Variants in TCF20 observed in about 807,000 individuals in gnomAD.
The protein encoded by TCF20 is SPRE-binding protein.
TCF20 carries 3 observed loss-of-function variants against 148.6 expected under a neutral mutation model. The observed-to-expected ratio is 0.02, with a 90% CI of 0.01 to 0.05. The LOEUF is 0.05. Among genes scored for constraint, TCF20 ranks in the 10% least tolerant of loss-of-function variants. The pLI is 1.00. For synonymous variants in TCF20, 1,049 were observed against 909.5 expected (o/e 1.15, Z -2.76); for missense variants, 2,350 against 2,429.3 (o/e 0.97, Z 0.69).
chr22:42,286,422 AC>A (rs1268428859), upstream of TCF20, among the ~76,000 whole-genome samples: 2 of 152,208 alleles, frequency 1.3e-5, no homozygotes, highest in African/African-American at 2.4e-5. Context: ...TGACTGTGTG[AC>A]CTTGAGTAAG....
chr22:42,199,027 G>A (rs998940531), intron 2 of TCF20, among the ~76,000 whole-genome samples: 2 of 152,094 alleles, frequency 1.3e-5, no homozygotes, highest in Middle Eastern at 3.2e-3. Flanking sequence ...ATGAATATGG[G>A]AAGCTAACTG....
At chr22:42,245,287 C>T (rs551623018) in intron 1 of TCF20, among the ~76,000 whole-genome samples, 25 of 152,012 alleles carry the variant, frequency 1.6e-4, no homozygotes, top group African/African-American at 6.0e-4. Flanking sequence ...TCTCACTATG[C>T]TGCCCAGGCT....
intron 2 of TCF20, among the ~76,000 whole-genome samples, chr22:42,200,963 A>C (rs1222269243): frequency 6.6e-6 from 1 of 152,240 alleles, no homozygotes; most frequent in African/African-American, 2.4e-5. Context: ...TGACTTCACC[A>C]AATCTCAGGT....
At chr22:42,173,330 AAC>A (rs1936247360) in intron 3 of TCF20, among the ~76,000 whole-genome samples, 1 of 151,972 alleles carries the variant, frequency 6.6e-6, no homozygotes, top group Non-Finnish European at 1.5e-5. Flanking sequence ...CATAACAAGC[AAC>A]ACAAAACAGC....
chr22:42,323,095 G>A (rs896829912), intron 1 of TCF20, among the ~76,000 whole-genome samples: 6 of 151,588 alleles, frequency 4.0e-5, no homozygotes, highest in Non-Finnish European at 7.4e-5. Context: ...TAGTAGAAAC[G>A]GGGTTTCTCC....
At position 42,279,907 on chromosome 22, in the gene TCF20, T is replaced by C. The variant is rs1382855632; in HGVS notation, c.-37+3920A>G. ...GCCCCGTAGACACCACCCCAGGTGC[T>C]CCTCACAGGTGATGGGGTGTGTTGT... On this transcript the variant is annotated intron_variant, in intron 1 of 5. Coordinates refer to the TCF20 transcript ENST00000359486. This position sits in a 1 kb window ranked among gnomAD's most constrained non-coding sequence, Gnocchi z 4.3. 3.3e-5 allele frequency among the ~76,000 whole-genome samples: 5 copies of C among 152,222 alleles called. No homozygotes were observed. Among genetic ancestry groups the C allele is most frequent in the African/African-American group, 1.2e-4 (5 of 41,548 alleles).
Position 42,168,744 on chromosome 22 carries a change from G to C in TCF20, c.5800-8C>G. On this transcript the variant is annotated splice_polypyrimidine_tract_variant and splice_region_variant and intron_variant, in intron 4 of 5. Coordinates refer to ENST00000677622, the MANE Select transcript of TCF20 (RefSeq NM_001378418.1). ...AGGGCACGGAAGGGGAGGCTGACAC[G>C]GGCAAAACCAAGAGGAGACAGACAG... is the stretch of plus-strand genomic sequence containing the variant. 3 of 1,605,242 alleles carry C rather than the reference G, an allele frequency of 1.9e-6. No homozygotes were observed. Among genetic ancestry groups the C allele is most frequent in the Non-Finnish European group, 2.6e-6 (3 of 1,176,092 alleles).
chr22:42,180,325 C>G (rs1487630519), intron 2 of TCF20, among the ~76,000 whole-genome samples: 1 of 152,130 alleles, frequency 6.6e-6, no homozygotes, highest in Non-Finnish European at 1.5e-5. Context: ...ACCAGAAAAC[C>G]TGCCATGAAT....
chr22:42,237,297 C>T (rs1405774760), intron 1 of TCF20, among the ~76,000 whole-genome samples: 1 of 152,180 alleles, frequency 6.6e-6, no homozygotes, highest in East Asian at 1.9e-4. Flanking sequence ...CTCAATAAAT[C>T]ACTTTCTTTG....
At chr22:42,249,263 C>T (rs762657468) in intron 1 of TCF20, among the ~76,000 whole-genome samples, 23 of 152,362 alleles carry the variant, frequency 1.5e-4, no homozygotes, top group Middle Eastern at 3.4e-3. Context: ...ATGCTACTGG[C>T]ATCCCAGGGT....
rs774763275 is a variant in TCF20, at chr22:42,212,388, T to A, written c.2918A>T (p.Asp973Val). The A allele has an allele frequency of 5.0e-6, 8 of 1,614,124 alleles. No individual in the cohort carries two copies. The highest frequency in any genetic ancestry group is 6.8e-6 in the Non-Finnish European group (8 of 1,180,054). Residue 973 changes from aspartate to valine, a missense_variant, in exon 2 of 6, where the codon GAT (aspartate) becomes GTT (valine). Around this residue, in one of 7 missense-constraint regions of TCF20, gnomAD observed 1,641 missense variants for 1,662.6 expected, o/e 0.99. Transcript: ENST00000677622. ...GNASPGAATH[D>V]SLSDYGPQDS... ...TTGCGGGCCATAGTCTGAAAGGGAA[T>A]CATGGGTTGCTGCTCCAGGGCTGGC... is the stretch of plus-strand genomic sequence containing the variant.
At chr22:42,323,188 C>T (rs1163830628) in intron 1 of TCF20, among the ~76,000 whole-genome samples, 1 of 151,690 alleles carries the variant, frequency 6.6e-6, no homozygotes, top group Non-Finnish European at 1.5e-5. Context: ...AGGCGTGAGC[C>T]ACCACGCCCA....
At chr22:42,318,909 T>C (rs1372698073) in intron 1 of TCF20, among the ~76,000 whole-genome samples, 1 of 152,076 alleles carries the variant, frequency 6.6e-6, no homozygotes. Context: ...GGCCATGAAA[T>C]CAGCCAGCAG....
At chr22:42,316,107 CAA>C (rs758537263) in intron 1 of TCF20, among the ~76,000 whole-genome samples, 1,032 of 48,522 alleles carry the variant, frequency 0.021, 3 homozygotes, top group African/African-American at 0.072. Flanking sequence ...GACTCTGTCT[CAA>C]AAAAAAAAAA....
Position 42,214,909 on chromosome 22 carries a change from C to T in TCF20, c.397G>A (p.Glu133Lys), listed in dbSNP as rs769182153. 1.2e-6 allele frequency: 2 copies of T among 1,614,240 alleles called. No homozygotes were observed. The highest frequency in any genetic ancestry group is 2.2e-5 in the East Asian group (1 of 44,896). ...GSSFGNQYGS[E>K]GHVGQFQAQH... ...GCTTGAAACTGGCCCACATGACCCTCACTCCCATACTGATTGCCAAAGCTG... is the reference window on the plus strand; with the variant it reads ...GCTTGAAACTGGCCCACATGACCCTTACTCCCATACTGATTGCCAAAGCTG... The change falls in exon 2 of 6, where the codon GAG becomes AAG. Residue 133 changes from glutamate (E) to lysine (K), a missense_variant. Coordinates refer to ENST00000677622, the MANE Select transcript of TCF20 (RefSeq NM_001378418.1).
intron 1 of TCF20, among the ~76,000 whole-genome samples, chr22:42,294,438 G>T (rs531659317): frequency 6.6e-6 from 1 of 152,280 alleles, no homozygotes; most frequent in East Asian, 1.9e-4. Flanking sequence ...GCGGGAGGGA[G>T]GCCAGGGAAG....
intron 1 of TCF20, among the ~76,000 whole-genome samples, chr22:42,340,386 G>A (rs1158984910): frequency 1.3e-5 from 2 of 152,158 alleles, no homozygotes; most frequent in Admixed American, 6.5e-5. Context: ...CCCTTCCCGC[G>A]GTAGCCTGCA....
intron 1 of TCF20, among the ~76,000 whole-genome samples, chr22:42,298,810 A>T (rs1255939695): frequency 6.6e-6 from 1 of 152,252 alleles, no homozygotes; most frequent in East Asian, 1.9e-4. Flanking sequence ...CAGAGCCTGG[A>T]GGCCAGAGCA....
chr22:42,255,459 A>C (rs999424743), intron 1 of TCF20, among the ~76,000 whole-genome samples: 4 of 152,012 alleles, frequency 2.6e-5, no homozygotes, highest in Middle Eastern at 3.4e-3. Context: ...ACTGCACTCC[A>C]ACCTGGCAAC....
Sources: gnomAD v4.1 joint callset for allele counts (sites outside exome capture counted in the v4.1 genomes callset) on GRCh38, gnomAD v4.1.1 for gene constraint, gnomAD v4.1.1 regional missense constraint, Gnocchi (gnomAD v3.1) non-coding constraint, MANE v1.5 for transcripts, NCBI Gene and HGNC (gene_info 2026-07-23, HGNC 2026-07-21) for gene names.